The following ADCY8 variants were observed in gnomAD, a reference collection of about 807,000 sequenced individuals.
The protein encoded by ADCY8 is adenylate cyclase type 8.
Under a neutral mutation model 119.7 loss-of-function variants are expected in ADCY8, and 51 were observed. The observed-to-expected ratio is 0.43, with a 90% CI of 0.34 to 0.54. The LOEUF (loss-of-function observed/expected upper bound fraction) is 0.54, where lower values mean the gene tolerates loss of function less well. ADCY8 is among the 20% of genes least tolerant of loss of function. The pLI is 0.03. For synonymous variants in ADCY8, 665 were observed against 651.0 expected, an observed-to-expected ratio of 1.02 and a Z score of -0.33; for missense variants, 1,383 against 1,598.8, an observed-to-expected ratio of 0.87 and a Z score of 2.30.
At chr8:130,845,260 C>A (rs755498937) in intron 11 of ADCY8, among the ~76,000 whole-genome samples, 53 of 152,050 alleles carry the variant, frequency 3.5e-4, no homozygotes, top group Non-Finnish European at 6.0e-4. Flanking sequence ...CAAGGGTATA[C>A]AATATTAATT....
At chr8:130,824,739 C>T (rs1039094030) in intron 12 of ADCY8, among the ~76,000 whole-genome samples, 2 of 152,112 alleles carry the variant, frequency 1.3e-5, no homozygotes, top group African/African-American at 4.8e-5. Flanking sequence ...AGAACTGGTT[C>T]AATAATTTGT....
chr8:130,814,816 C>T (rs3793389), intron 13 of ADCY8, among the ~76,000 whole-genome samples: 36,537 of 152,048 alleles, frequency 0.24, 4,471 homozygotes, highest in East Asian at 0.26. Context: ...TGGACCCATC[C>T]TTGACATATG....
At chr8:130,785,321 C>G (rs541473738) in intron 16 of ADCY8, 62 bp downstream of exon 16, 2 of 1,179,524 alleles carry the variant, frequency 1.7e-6, no homozygotes, top group African/African-American at 3.1e-5. Context: ...TCACCACCGT[C>G]GGTGACATGA....
chr8:130,853,302 T>G (rs759327220), intron 9 of ADCY8, among the ~76,000 whole-genome samples: 39 of 152,242 alleles, frequency 2.6e-4, no homozygotes, highest in Non-Finnish European at 5.1e-4. Flanking sequence ...AAAGCCCAGG[T>G]TGGCTTAACC....
intron 7 of ADCY8, among the ~76,000 whole-genome samples, chr8:130,889,782 C>T (rs1249006915): frequency 6.6e-6 from 1 of 152,128 alleles, no homozygotes; most frequent in Admixed American, 6.5e-5. Flanking sequence ...GGCATCTGAC[C>T]TTGTGGTGGA....
chr8:131,040,101 T>C lies in ADCY8; in HGVS notation c.233A>G (p.His78Arg). The change falls in exon 1 of 18, where the codon CAC becomes CGC. Residue 78 changes from histidine (H) to arginine (R), a missense_variant. Physicochemically the swap from His to Arg is conservative, Grantham distance 29 (BLOSUM62 0). Coordinates refer to ENST00000286355, the MANE Select transcript of ADCY8 (RefSeq NM_001115.3). ...GTCGCCTGACAGCTGCGGCGCGTGG[T>C]GGTTGGGGCCGCCGCCCGCAGGGTC... is the stretch of plus-strand genomic sequence containing the variant. ...ASDPAGGGPN[H>R]HAPQLSGDSA... The C allele has an allele frequency of 1.3e-6, 2 of 1,527,028 alleles. No homozygotes were observed. The highest frequency in any genetic ancestry group is 1.7e-6 in the Non-Finnish European group (2 of 1,143,538). 94.6% of individuals were successfully genotyped at this position (1,527,028 alleles called of 1,614,324 possible).
intron 12 of ADCY8, among the ~76,000 whole-genome samples, chr8:130,829,970 C>T (rs916564574): frequency 1.3e-5 from 2 of 152,144 alleles, no homozygotes; most frequent in Non-Finnish European, 2.9e-5. Context: ...TAGATTTACC[C>T]CAGGAGGAGC....
chr8:130,897,036 G>A (rs984016957), intron 7 of ADCY8, among the ~76,000 whole-genome samples: 1 of 151,998 alleles, frequency 6.6e-6, no homozygotes, highest in Non-Finnish European at 1.5e-5. Context: ...GTTGCCCAAG[G>A]TCTCTTAGTA....
chr8:131,020,787 C>T (rs1298672123), intron 1 of ADCY8, among the ~76,000 whole-genome samples: 1 of 152,208 alleles, frequency 6.6e-6, no homozygotes, highest in Non-Finnish European at 1.5e-5. Flanking sequence ...TCTAATCTCA[C>T]AAGGCCTGGT....
At chr8:130,882,895 G>T (rs978033180) in intron 8 of ADCY8, among the ~76,000 whole-genome samples, 4 of 151,964 alleles carry the variant, frequency 2.6e-5, no homozygotes, top group Non-Finnish European at 5.9e-5. Context: ...GACAGGAGAG[G>T]AGTGATCGTT....
intron 14 of ADCY8, among the ~76,000 whole-genome samples, chr8:130,805,316 C>A (rs56331175): frequency 6.6e-6 from 1 of 151,992 alleles, no homozygotes; most frequent in Non-Finnish European, 1.5e-5. Context: ...GTTGTTATGA[C>A]GTAGAGCTGA....
intron 14 of ADCY8, among the ~76,000 whole-genome samples, chr8:130,808,845 G>A (rs2130145249): frequency 6.6e-6 from 1 of 152,212 alleles, no homozygotes; most frequent in East Asian, 1.9e-4. Flanking sequence ...TTTATGCTGT[G>A]TGGACTCTCC....
chr8:130,856,941 G>A (rs11998608), intron 9 of ADCY8, among the ~76,000 whole-genome samples: 89,413 of 151,692 alleles, frequency 0.59, 27,260 homozygotes, highest in African/African-American at 0.74. Context: ...AAAGTCATTA[G>A]TAACTTTTTA....
At chr8:130,881,953 A>C (rs1400536463) in intron 8 of ADCY8, among the ~76,000 whole-genome samples, 2 of 151,906 alleles carry the variant, frequency 1.3e-5, no homozygotes, top group Non-Finnish European at 2.9e-5. Flanking sequence ...CCCTTTATTA[A>C]ATCAATACCA....
intron 14 of ADCY8, among the ~76,000 whole-genome samples, chr8:130,802,498 C>A (rs1203039812): frequency 6.6e-6 from 1 of 152,192 alleles, no homozygotes; most frequent in Non-Finnish European, 1.5e-5. Flanking sequence ...ATTGACCATG[C>A]CTCTCCCTAT....
chr8:130,782,580 A>C (rs1815119186), intron 17 of ADCY8, among the ~76,000 whole-genome samples: 1 of 152,230 alleles, frequency 6.6e-6, no homozygotes, highest in Non-Finnish European at 1.5e-5. Flanking sequence ...ACATCTTCAG[A>C]ATTTACTTAG....
intron 9 of ADCY8, among the ~76,000 whole-genome samples, chr8:130,855,907 C>T (rs1170077108): frequency 6.6e-6 from 1 of 152,196 alleles, no homozygotes; most frequent in Non-Finnish European, 1.5e-5. Context: ...ACCTCTCCAT[C>T]ATCCCCGTTC....
intron 1 of ADCY8, among the ~76,000 whole-genome samples, chr8:130,995,180 T>C (rs1293264325): frequency 6.6e-6 from 1 of 152,186 alleles, no homozygotes. Context: ...TGACCATCCA[T>C]GTGCAAAGAT....
At chr8:130,823,420 G>T (rs531953123) in intron 12 of ADCY8, among the ~76,000 whole-genome samples, 41 of 152,274 alleles carry the variant, frequency 2.7e-4, no homozygotes, top group African/African-American at 9.6e-4. Context: ...TCCAAAGAGA[G>T]CCAAATGACT....
Sources: gnomAD v4.1 joint callset for allele counts (sites outside exome capture counted in the v4.1 genomes callset) on GRCh38, gnomAD v4.1.1 for gene constraint, MANE v1.5 for transcripts, NCBI Gene and HGNC (gene_info 2026-07-23, HGNC 2026-07-21) for gene names.